The following CENPU variants were observed in gnomAD, a reference collection of about 807,000 sequenced individuals.
CENPU encodes centromere protein U.
Under a neutral mutation model 56.7 loss-of-function variants are expected in CENPU, and 46 were observed. That is an observed-to-expected ratio of 0.81 (90% CI 0.64 to 1.04). The LOEUF is 1.04. Ranked by LOEUF, CENPU falls within the 50% of genes least tolerant of loss-of-function variation. The probability of loss-of-function intolerance (pLI) is 0.00; values close to 1 mark genes in which losing one functional copy is unlikely to be tolerated. For synonymous variants in CENPU, 166 were observed against 163.0 expected (o/e 1.02, Z -0.14); for missense variants, 510 against 490.1 (o/e 1.04, Z -0.38).
At chr4:184,705,758 A>G (rs530026198) in intron 8 of CENPU, among the ~76,000 whole-genome samples, 1 of 152,324 alleles carries the variant, frequency 6.6e-6, no homozygotes, top group South Asian at 2.1e-4. Flanking sequence ...GGTTATCTGT[A>G]TATACACAAT....
chr4:184,697,083 A>C (rs953228729), intron 12 of CENPU, among the ~76,000 whole-genome samples: 1 of 152,046 alleles, frequency 6.6e-6, no homozygotes. Context: ...GTTTCACCAT[A>C]TCGCCCAAGG....
chr4:184,730,571 A>T (rs1463643093), intron 2 of CENPU, among the ~76,000 whole-genome samples: 1 of 139,476 alleles, frequency 7.2e-6, no homozygotes, highest in African/African-American at 2.7e-5. Context: ...TAAACCTGTA[A>T]TGTGAACTAA....
chr4:184,732,203 C>T (rs554421986), intron 1 of CENPU, among the ~76,000 whole-genome samples: 10 of 151,788 alleles, frequency 6.6e-5, no homozygotes, highest in Non-Finnish European at 1.5e-4. Context: ...TGTGTGCACA[C>T]GTGTACTAAG....
chr4:184,717,324 A>T (rs1761127297), intron 4 of CENPU, 128 bp from the exon 5 acceptor site: 1 of 684,870 alleles, frequency 1.5e-6, no homozygotes, highest in Non-Finnish European at 2.5e-6. Context: ...TGTCACATAC[A>T]AGTCTGCCAC....
Position 184,734,064 on chromosome 4 carries a change from G to T in CENPU, c.-2C>A. 6.4e-7 allele frequency: 1 copy of T among 1,557,594 alleles called. No homozygotes were observed. The highest frequency in any genetic ancestry group is 8.7e-7 in the Non-Finnish European group (1 of 1,152,948). On this transcript the variant is annotated 5_prime_UTR_variant, in exon 1 of 13. Coordinates refer to ENST00000281453, the MANE Select transcript of CENPU (RefSeq NM_024629.4). ...CCGCCGCCGCCCCCGCGGGGCCATG[G>T]TGCCGCTCTCCGCTCTCGAGCGACT...
intron 4 of CENPU, among the ~76,000 whole-genome samples, chr4:184,724,031 G>A (rs1007285082): frequency 1.2e-4 from 18 of 151,896 alleles, no homozygotes; most frequent in African/African-American, 3.1e-4. Context: ...TTGGGAGGCC[G>A]AGGTGGGCAG....
intron 3 of CENPU, among the ~76,000 whole-genome samples, chr4:184,728,247 G>A (rs1386041018): frequency 6.6e-6 from 1 of 152,098 alleles, no homozygotes; most frequent in Non-Finnish European, 1.5e-5. Flanking sequence ...CATTATTCTG[G>A]TGAATACATT....
At chr4:184,699,577 A>C in intron 11 of CENPU, 5 of 1,288,982 alleles carry the variant, frequency 3.9e-6, no homozygotes, top group Non-Finnish European at 5.1e-6. Flanking sequence ...TGAAAACCTT[A>C]CCATAGGCCA....
intron 8 of CENPU, among the ~76,000 whole-genome samples, chr4:184,703,622 AAC>A (rs1451179649): frequency 3.9e-5 from 6 of 152,264 alleles, no homozygotes; most frequent in Non-Finnish European, 8.8e-5. Flanking sequence ...AAATTAATTA[AAC>A]ACAGAATTAC....
chr4:184,709,242 A>C (rs1760837289), intron 8 of CENPU, among the ~76,000 whole-genome samples: 2 of 152,206 alleles, frequency 1.3e-5, no homozygotes, highest in African/African-American at 4.8e-5. Flanking sequence ...TAATCCCAGC[A>C]CTTTGGGAGG....
At chr4:184,708,534 AAAG>A (rs142363354) in intron 8 of CENPU, among the ~76,000 whole-genome samples, 17,225 of 151,786 alleles carry the variant, frequency 0.11, 1,219 homozygotes, top group Middle Eastern at 0.17. Flanking sequence ...TAAGAATATC[AAAG>A]AAAAAAAATA....
At chr4:184,702,211 T>G (rs575303115) in intron 9 of CENPU, 75 bp from the exon 10 acceptor site, 72 of 1,311,608 alleles carry the variant, frequency 5.5e-5, no homozygotes, top group Non-Finnish European at 7.7e-5. Context: ...TGTGTCACAT[T>G]TAGTTTAAAA....
intron 4 of CENPU, among the ~76,000 whole-genome samples, chr4:184,724,282 A>T (rs1249613425): frequency 6.6e-6 from 1 of 152,122 alleles, no homozygotes; most frequent in East Asian, 1.9e-4. Context: ...ACAAACAAAC[A>T]AACAACCAAA....
intron 4 of CENPU, among the ~76,000 whole-genome samples, chr4:184,719,153 C>G (rs1321016526): frequency 6.6e-6 from 1 of 152,076 alleles, no homozygotes; most frequent in Non-Finnish European, 1.5e-5. Flanking sequence ...CCAAGTTTAA[C>G]AACTATCTAC....
intron 8 of CENPU, among the ~76,000 whole-genome samples, chr4:184,703,120 A>G (rs180858162): frequency 9.8e-4 from 149 of 152,316 alleles, no homozygotes; most frequent in African/African-American, 3.4e-3. Context: ...AAAAGAACAA[A>G]CATATTATTC....
intron 8 of CENPU, among the ~76,000 whole-genome samples, chr4:184,703,902 G>A (rs571766286): frequency 1.3e-5 from 2 of 152,338 alleles, no homozygotes; most frequent in Admixed American, 6.5e-5. Flanking sequence ...TAATCACCTA[G>A]TGACACTGTT....
rs1759943756 is a variant in CENPU, at chr4:184,694,338, A to G, written c.*950T>C. 1.4e-6 allele frequency: 2 copies of G among 1,380,466 alleles called. No individual in the cohort carries two copies. Among genetic ancestry groups the G allele is most frequent in the Admixed American group, 3.0e-5 (1 of 33,502 alleles). The allele number at this position is 1,380,466 out of a possible 1,614,324, so 85.5% of individuals were successfully genotyped here. On this transcript the variant is annotated 3_prime_UTR_variant, in exon 13 of 13. Transcript: ENST00000281453. Reference sequence around the variant, plus strand: ...TTCAAGTGTGTCTGAGCTTCAGTGCAGCAACGTTTGAATCAGTGCACTCAT... The same window carrying G: ...TTCAAGTGTGTCTGAGCTTCAGTGCGGCAACGTTTGAATCAGTGCACTCAT...
At chr4:184,695,759 T>A (rs754871426) in intron 12 of CENPU, among the ~76,000 whole-genome samples, 1 of 152,136 alleles carries the variant, frequency 6.6e-6, no homozygotes, top group Non-Finnish European at 1.5e-5. Flanking sequence ...CTGCTTGATA[T>A]CATGTCTATT....
At chr4:184,717,412 T>C (rs1353481272) in intron 4 of CENPU, among the ~76,000 whole-genome samples, 1 of 152,246 alleles carries the variant, frequency 6.6e-6, no homozygotes, top group Non-Finnish European at 1.5e-5. Flanking sequence ...GCAAGTAACC[T>C]GTTCCATTAC....
Sources: gnomAD v4.1 joint callset for allele counts (sites outside exome capture counted in the v4.1 genomes callset) on GRCh38, gnomAD v4.1.1 for gene constraint, MANE v1.5 for transcripts, NCBI Gene and HGNC (gene_info 2026-07-23, HGNC 2026-07-21) for gene names.